CLCA4: variants seen among roughly 807,000 people sequenced by gnomAD.
CLCA4 encodes the protein chloride channel accessory 4.
Under a neutral mutation model 78.9 loss-of-function variants are expected in CLCA4, and 69 were observed. The ratio of observed to expected loss-of-function variants is 0.87; its 90% CI spans 0.72 to 1.07. The LOEUF (loss-of-function observed/expected upper bound fraction) is 1.07, where lower values mean the gene tolerates loss of function less well. CLCA4 is among the 50% of genes least tolerant of loss of function. CLCA4 has a pLI of 0.00. For missense variants in CLCA4, 1,133 were observed against 1,095.8 expected, an observed-to-expected ratio of 1.03 and a Z score of -0.48; for synonymous variants, 362 against 375.8, an observed-to-expected ratio of 0.96 and a Z score of 0.42.
chr1:86,574,649 T>G lies in CLCA4; in HGVS notation c.1577T>G (p.Leu526Arg). ...DTFFLITWNS[L>R]PPSISLWDPS... ...TTCTTTCTCATCACATGGAACAGTC[T>G]GCCTCCCAGTATTTCTCTCTGGGAT... Residue 526 changes from leucine (L) to arginine (R), a missense_variant, in exon 10 of 14, where the codon CTG (leucine) becomes CGG (arginine). By Grantham distance (102) the Leu-to-Arg change is moderately radical. Transcript: ENST00000370563. 1 of 1,613,282 alleles carries G rather than the reference T, an allele frequency of 6.2e-7. No homozygotes were observed. The highest frequency in any genetic ancestry group is 1.1e-5 in the South Asian group (1 of 91,066).
intron 1 of CLCA4, chr1:86,552,688 G>C: frequency 9.1e-7 from 1 of 1,095,160 alleles, no homozygotes. Context: ...TGGAGCTGGG[G>C]CACGGGGTGA....
intron 1 of CLCA4, among the ~76,000 whole-genome samples, chr1:86,558,364 T>C (rs1400735905): frequency 3.3e-5 from 5 of 152,216 alleles, no homozygotes; most frequent in Non-Finnish European, 7.3e-5. Context: ...CTATATTTAG[T>C]GCTTCTTTCA....
intron 3 of CLCA4, among the ~76,000 whole-genome samples, chr1:86,562,650 C>G (rs1650057018): frequency 6.6e-6 from 1 of 151,584 alleles, no homozygotes; most frequent in African/African-American, 2.4e-5. Context: ...GTCAGGAGTT[C>G]GACACCAGCC....
chr1:86,565,371 T>C lies in CLCA4; in HGVS notation c.655T>C (p.Tyr219His). Residue 219 changes from tyrosine (Y) to histidine (H), a missense_variant, in exon 5 of 14, where the codon TAT (tyrosine) becomes CAT (histidine). Tyr to His is a moderately conservative substitution (Grantham distance 83, BLOSUM62 2). Coordinates refer to ENST00000370563, the MANE Select transcript of CLCA4 (RefSeq NM_012128.4). ...CAGAATTGATTCTACAACAAAACTG[T>C]ATGGAAAAGATTGTCAATTCTTTCC... ...ACRIDSTTKL[Y>H]GKDCQFFPDK... 2 of 1,608,862 alleles carry C rather than the reference T, an allele frequency of 1.2e-6. No homozygotes were observed. The highest frequency in any genetic ancestry group is 1.1e-5 in the South Asian group (1 of 90,758).
At chr1:86,560,176 T>C in intron 2 of CLCA4, 35 bp from the exon 3 acceptor site, 1 of 1,578,318 alleles carries the variant, frequency 6.3e-7, no homozygotes, top group South Asian at 1.2e-5. Context: ...TCTTTTTTAT[T>C]TTTGATGTTT....
chr1:86,561,663 CCTCT>C lies in CLCA4; in HGVS notation c.448+1308_448+1311del, dbSNP rs566266263. Among the ~76,000 whole-genome samples the C allele has an allele frequency of 2.7e-3, 404 of 152,224 alleles. 1 individual carries two copies. Among genetic ancestry groups the C allele is most frequent in the Non-Finnish European group, 4.0e-3 (270 of 68,002 alleles). ...ATAAAACAGAGGTCTCTACATTCTT[CCTCT>C]CTATTTCCAAACTTATTACCACCTA... is the stretch of plus-strand genomic sequence containing the variant. On this transcript the variant is annotated intron_variant, in intron 3 of 13. Transcript: ENST00000370563.
chr1:86,563,415 A>G (rs1041918366), intron 3 of CLCA4, among the ~76,000 whole-genome samples: 13 of 151,904 alleles, frequency 8.6e-5, no homozygotes, highest in South Asian at 2.1e-4. Flanking sequence ...AGCCCATAGC[A>G]TATCCTCCCT....
At chr1:86,564,942 C>A (rs1289939951) in intron 4 of CLCA4, among the ~76,000 whole-genome samples, 1 of 152,034 alleles carries the variant, frequency 6.6e-6, no homozygotes, top group Admixed American at 6.6e-5. Context: ...CTCAAAAATT[C>A]TCTTATCCAG....
intron 7 of CLCA4, 96 bp from the exon 8 acceptor site, chr1:86,570,981 T>G: frequency 1.2e-6 from 1 of 853,702 alleles, no homozygotes; most frequent in Non-Finnish European, 1.8e-6. Flanking sequence ...TCTGCATAAC[T>G]TTGTTTATTT....
At chr1:86,579,791 GA>G in intron 13 of CLCA4, 150 bp from the exon 14 acceptor site, 1 of 703,462 alleles carries the variant, frequency 1.4e-6, no homozygotes, top group Non-Finnish European at 2.3e-6. Flanking sequence ...GCAATTTGCA[GA>G]GCTTAAGACC....
chr1:86,571,505 G>T (rs532052869), intron 8 of CLCA4: 1 of 319,494 alleles, frequency 3.1e-6, no homozygotes, highest in Admixed American at 4.6e-5. Flanking sequence ...TATGTGAGCA[G>T]AGGAAGCCAT....
chr1:86,572,643 G>C lies in CLCA4; in HGVS notation c.1390G>C (p.Ala464Pro). The part of the protein sequence containing the change: ...GGSHFYVSDE[A>P]QNNGLIDAFG... ...AAGTCATTTTTATGTTTCAGATGAA[G>C]CTCAGAACAATGGCCTCATTGATGC... Residue 464 changes from alanine to proline, a missense_variant, in exon 9 of 14, where the codon GCT (alanine) becomes CCT (proline). Ala to Pro is a conservative substitution (Grantham distance 27). Coordinates refer to ENST00000370563, the MANE Select transcript of CLCA4 (RefSeq NM_012128.4). 1 of 1,607,344 alleles carries C rather than the reference G, an allele frequency of 6.2e-7. No homozygotes were observed. The highest frequency in any genetic ancestry group is 8.5e-7 in the Non-Finnish European group (1 of 1,174,456).
At chr1:86,564,068 A>G (rs1234920004) in intron 4 of CLCA4, among the ~76,000 whole-genome samples, 1 of 152,160 alleles carries the variant, frequency 6.6e-6, no homozygotes, top group African/African-American at 2.4e-5. Context: ...GATAAGATCA[A>G]AGTTATTTAC....
chr1:86,570,964 C>G (rs1650333109), intron 7 of CLCA4, 113 bp from the exon 8 acceptor site: 1 of 739,776 alleles, frequency 1.4e-6, no homozygotes, highest in Non-Finnish European at 2.2e-6. Context: ...GAGGTTATCT[C>G]TTCTATTCTG....
At chr1:86,551,119 C>A (rs1649648976) in intron 1 of CLCA4, among the ~76,000 whole-genome samples, 2 of 152,118 alleles carry the variant, frequency 1.3e-5, no homozygotes, top group Non-Finnish European at 2.9e-5. Flanking sequence ...TCGTGAGCCA[C>A]CGCACCCAGC....
intron 4 of CLCA4, 62 bp downstream of exon 4, chr1:86,563,831 T>G: frequency 1.1e-6 from 1 of 896,784 alleles, no homozygotes. Flanking sequence ...TTTTCCTACT[T>G]TGATTTCTTC....
rs536618298 is a variant in CLCA4 at position 86,558,784 on chromosome 1, C to T, written c.160-1148C>T. Among the ~76,000 whole-genome samples, 35 of 152,216 alleles carry T rather than the reference C, an allele frequency of 2.3e-4. 1 individual carries two copies. Among genetic ancestry groups the T allele is most frequent in the African/African-American group, 7.7e-4 (32 of 41,536 alleles). The stretch of plus-strand genomic sequence containing the variant: ...ACCCCCATGATTCAATTATCTCCAC[C>T]TGGTCCCTTCCACAACACGTGGGGA... On this transcript the variant is annotated intron_variant, in intron 1 of 13. Transcript: ENST00000370563.
chr1:86,555,733 A>C (rs1649820867), intron 1 of CLCA4, among the ~76,000 whole-genome samples: 1 of 152,182 alleles, frequency 6.6e-6, no homozygotes, highest in Non-Finnish European at 1.5e-5. Flanking sequence ...AGTGGTGTGA[A>C]AAATGTTGTT....
At chr1:86,561,897 C>T (rs553004365) in intron 3 of CLCA4, among the ~76,000 whole-genome samples, 1 of 152,236 alleles carries the variant, frequency 6.6e-6, no homozygotes, top group Admixed American at 6.5e-5. Context: ...AAAAAACTCA[C>T]ATTCCTCAAG....
Sources: gnomAD v4.1 joint callset for allele counts (sites outside exome capture counted in the v4.1 genomes callset) on GRCh38, gnomAD v4.1.1 for gene constraint, MANE v1.5 for transcripts, NCBI Gene and HGNC (gene_info 2026-07-23, HGNC 2026-07-21) for gene names.